Variants in DNM3 observed in about 807,000 individuals in gnomAD.
The protein encoded by DNM3 is dynamin 3.
In DNM3, 47 loss-of-function variants were observed where a neutral mutation model predicts 101.6. That is an observed-to-expected ratio of 0.46 (90% CI 0.37 to 0.59). DNM3 has a LOEUF of 0.59. DNM3 is among the 20% of genes least tolerant of loss of function. The pLI, the probability that DNM3 is intolerant of heterozygous loss-of-function variation, is 0.00. For synonymous variants in DNM3, 385 were observed against 387.9 expected, an observed-to-expected ratio of 0.99 and a Z score of 0.09; for missense variants, 849 against 1,085.7, an observed-to-expected ratio of 0.78 and a Z score of 3.06.
chr1:172,359,512 A>G (rs2067632157), intron 17 of DNM3, among the ~76,000 whole-genome samples: 2 of 152,058 alleles, frequency 1.3e-5, no homozygotes, highest in South Asian at 4.1e-4. Context: ...GCTAAGTTTA[A>G]ACTACAATTT....
chr1:172,327,461 G>A (rs9425287), intron 17 of DNM3, among the ~76,000 whole-genome samples: 83,911 of 152,014 alleles, frequency 0.55, 24,192 homozygotes, highest in African/African-American at 0.72. Flanking sequence ...GTGAGAGAAA[G>A]TAGATAGCCA....
At chr1:172,393,751 T>A (rs1331438131) in intron 20 of DNM3, 2 of 152,648 alleles carry the variant, frequency 1.3e-5, no homozygotes, top group Admixed American at 1.3e-4. Context: ...TTGGGCATTG[T>A]GATTTTTCAT....
intron 15 of DNM3, among the ~76,000 whole-genome samples, chr1:172,269,351 A>T (rs1440560389): frequency 6.6e-6 from 1 of 152,208 alleles, no homozygotes; most frequent in Non-Finnish European, 1.5e-5. Flanking sequence ...TCAGACAAAC[A>T]CTGCAGCTTG....
At chr1:172,140,374 T>C (rs1191944031) in intron 14 of DNM3, 2 of 151,918 alleles carry the variant, frequency 1.3e-5, no homozygotes, top group African/African-American at 4.8e-5. Flanking sequence ...GTTATTTAAA[T>C]AATTACAAGG....
At chr1:172,418,407 T>C in exon 21 of DNM3, 1 of 1,089,426 alleles carries the variant, frequency 9.2e-7, no homozygotes. Context: ...CGTATGTACA[T>C]AAAAACTTTT....
intron 4 of DNM3, among the ~76,000 whole-genome samples, chr1:172,005,525 C>T (rs1298283028): frequency 6.6e-6 from 1 of 151,980 alleles, no homozygotes; most frequent in Non-Finnish European, 1.5e-5. Flanking sequence ...CACTATCACT[C>T]GTCTAAGGCT....
chr1:172,074,625 G>A (rs187087472), intron 11 of DNM3, among the ~76,000 whole-genome samples: 110 of 152,234 alleles, frequency 7.2e-4, no homozygotes, highest in African/African-American at 2.5e-3. Context: ...CTTCATCCAT[G>A]TTCCTGCAAA....
intron 20 of DNM3, among the ~76,000 whole-genome samples, chr1:172,395,537 T>C (rs563560244): frequency 3.3e-5 from 5 of 152,286 alleles, no homozygotes; most frequent in Admixed American, 3.3e-4. Context: ...AAATTAAAAA[T>C]GAAAATGTAA....
chr1:172,301,391 A>G (rs1181423363), intron 15 of DNM3, among the ~76,000 whole-genome samples: 1 of 152,086 alleles, frequency 6.6e-6, no homozygotes, highest in Non-Finnish European at 1.5e-5. Flanking sequence ...AGTCCCAGCA[A>G]CATGGGAGGC....
chr1:172,328,831 G>A (rs1573489076), intron 17 of DNM3, among the ~76,000 whole-genome samples: 2 of 152,038 alleles, frequency 1.3e-5, no homozygotes, highest in East Asian at 3.9e-4. Flanking sequence ...CATGAAGTAT[G>A]AGTTTATTCA....
At chr1:171,975,998 C>A (rs1426465880) in intron 2 of DNM3, among the ~76,000 whole-genome samples, 1 of 151,574 alleles carries the variant, frequency 6.6e-6, no homozygotes, top group East Asian at 1.9e-4. Context: ...TATAAAGTTA[C>A]AATAATCAAT....
intron 1 of DNM3, among the ~76,000 whole-genome samples, chr1:171,848,454 A>G (rs1351638772): frequency 2.0e-5 from 3 of 152,180 alleles, no homozygotes; most frequent in Non-Finnish European, 4.4e-5. Flanking sequence ...TAAATAAGAT[A>G]TTGGATGTTT....
At chr1:172,058,689 T>C (rs12037820) in intron 10 of DNM3, among the ~76,000 whole-genome samples, 52,579 of 150,878 alleles carry the variant, frequency 0.35, 10,058 homozygotes, top group East Asian at 0.68. Context: ...GGGATGCATT[T>C]AAAGCAGTGT....
At chr1:172,078,920 T>G (rs2052904735) in intron 11 of DNM3, among the ~76,000 whole-genome samples, 1 of 152,216 alleles carries the variant, frequency 6.6e-6, no homozygotes, top group African/African-American at 2.4e-5. Context: ...GCGTTGAAAT[T>G]TCTTTAAGAA....
At chr1:171,987,413 G>A in intron 2 of DNM3, 1 of 778,548 alleles carries the variant, frequency 1.3e-6, no homozygotes, top group South Asian at 5.9e-5. Flanking sequence ...ATGGTTTAGG[G>A]ACTGGTTTTA....
chr1:171,950,819 T>C (rs903393038), intron 2 of DNM3, among the ~76,000 whole-genome samples: 6 of 152,192 alleles, frequency 3.9e-5, no homozygotes, highest in Non-Finnish European at 8.8e-5. Flanking sequence ...ACTTTAAATA[T>C]GTGTACTTTA....
At chr1:171,962,728 C>A (rs546371308) in intron 2 of DNM3, among the ~76,000 whole-genome samples, 43 of 152,272 alleles carry the variant, frequency 2.8e-4, no homozygotes, top group African/African-American at 9.6e-4. Flanking sequence ...CAAGTCCCCT[C>A]CTCCCAATAT....
chr1:172,329,831 C>T (rs2066106330), intron 17 of DNM3, among the ~76,000 whole-genome samples: 1 of 152,126 alleles, frequency 6.6e-6, no homozygotes, highest in South Asian at 2.1e-4. Flanking sequence ...ATCAATAGAG[C>T]ATTTAGAAGC....
At chr1:171,912,821 G>A (rs2039415600) in intron 1 of DNM3, among the ~76,000 whole-genome samples, 1 of 152,206 alleles carries the variant, frequency 6.6e-6, no homozygotes, top group Non-Finnish European at 1.5e-5. Context: ...CTGTTAATAA[G>A]AAAGGGAAAA....
Sources: gnomAD v4.1 joint callset for allele counts (sites outside exome capture counted in the v4.1 genomes callset) on GRCh38, gnomAD v4.1.1 for gene constraint, MANE v1.5 for transcripts, NCBI Gene and HGNC (gene_info 2026-07-23, HGNC 2026-07-21) for gene names.